PDE3A: variants seen among roughly 807,000 people sequenced by gnomAD.
PDE3A encodes the protein cGMP-inhibited 3',5'-cyclic phosphodiesterase 3A.
PDE3A carries 43 observed loss-of-function variants against 98.3 expected under a neutral mutation model. The observed-to-expected ratio is 0.44, with a 90% CI of 0.34 to 0.56. The LOEUF is 0.56. Ranked by LOEUF, PDE3A falls within the 20% of genes least tolerant of loss-of-function variation. PDE3A has a pLI of 0.01. For synonymous variants in PDE3A, 663 were observed against 567.9 expected, an observed-to-expected ratio of 1.17 and a Z score of -2.38; for missense variants, 1,427 against 1,440.7, an observed-to-expected ratio of 0.99 and a Z score of 0.15.
chr12:20,449,799 TTTTGGTTGCTGGC>T, intron 1 of PDE3A: 1 of 525,752 alleles, frequency 1.9e-6, no homozygotes, highest in Admixed American at 3.4e-5. Context: ...ACTTGGTCAG[TTTTGGTTGCTGGC>T]TTCCAGTTTT....
At chr12:20,571,928 G>C (rs982973039) in intron 2 of PDE3A, 9 of 1,067,500 alleles carry the variant, frequency 8.4e-6, no homozygotes, top group Non-Finnish European at 1.0e-5. Context: ...CAATGAATGA[G>C]AGTGGGGCAT....
intron 2 of PDE3A, among the ~76,000 whole-genome samples, chr12:20,589,951 C>T (rs1027631128): frequency 2.6e-5 from 4 of 151,228 alleles, no homozygotes; most frequent in African/African-American, 9.7e-5. Flanking sequence ...CTTATGCCTA[C>T]ACTCACGGTC....
chr12:20,512,993 G>A (rs567890976), intron 1 of PDE3A, among the ~76,000 whole-genome samples: 2 of 152,110 alleles, frequency 1.3e-5, no homozygotes, highest in South Asian at 4.1e-4. Flanking sequence ...AATGTATTTT[G>A]TTCTTTTTGC....
At chr12:20,462,678 GT>G (rs1565557040) in intron 1 of PDE3A, among the ~76,000 whole-genome samples, 3 of 151,844 alleles carry the variant, frequency 2.0e-5, no homozygotes, top group African/African-American at 7.3e-5. Context: ...AATGTCTGAA[GT>G]TTTTTTATTC....
At chr12:20,612,938 T>A (rs765161398) in intron 2 of PDE3A, among the ~76,000 whole-genome samples, 6 of 151,506 alleles carry the variant, frequency 4.0e-5, no homozygotes, top group African/African-American at 7.2e-5. Flanking sequence ...ACAAATGGAG[T>A]TTTTTTGTGT....
Position 20,541,731 on chromosome 12 carries a change from G to A in PDE3A, c.961-14929G>A, listed in dbSNP as rs568873183. On this transcript the variant is annotated intron_variant, in intron 1 of 15. Coordinates refer to ENST00000359062, the MANE Select transcript of PDE3A (RefSeq NM_000921.5). ...TACATTTGCAATAAAACTTTTTTCT[G>A]CAAAAAAAGCATTGGTTTTATTGTA... Among the ~76,000 whole-genome samples, 28 of 151,580 alleles carry A rather than the reference G, an allele frequency of 1.8e-4. No homozygotes were observed. In the South Asian group the frequency reaches 5.8e-3, roughly 31 times the overall value.
intron 1 of PDE3A, among the ~76,000 whole-genome samples, chr12:20,393,766 A>G (rs1404688151): frequency 1.3e-5 from 2 of 152,040 alleles, no homozygotes; most frequent in East Asian, 3.9e-4. Context: ...GGTGAAATGA[A>G]CTTTTCATCC....
At chr12:20,387,121 A>G (rs1342882701) in intron 1 of PDE3A, among the ~76,000 whole-genome samples, 2 of 151,930 alleles carry the variant, frequency 1.3e-5, no homozygotes, top group Non-Finnish European at 2.9e-5. Context: ...TATTGGTTCC[A>G]TTGGTCTATG....
chr12:20,613,892 A>C (rs1351887244), intron 3 of PDE3A, among the ~76,000 whole-genome samples, 192 bp downstream of exon 3: 1 of 152,198 alleles, frequency 6.6e-6, no homozygotes, highest in Admixed American at 6.6e-5. Flanking sequence ...ATAGTTTTCT[A>C]TACATAGAAA....
At chr12:20,518,384 C>G (rs1018373932) in intron 1 of PDE3A, among the ~76,000 whole-genome samples, 9 of 151,622 alleles carry the variant, frequency 5.9e-5, no homozygotes, top group African/African-American at 2.2e-4. Context: ...AGAGTTAGAG[C>G]TTCAAAGATA....
intron 1 of PDE3A, among the ~76,000 whole-genome samples, chr12:20,477,117 A>G (rs1280796044): frequency 6.6e-6 from 1 of 152,196 alleles, no homozygotes; most frequent in Non-Finnish European, 1.5e-5. Context: ...TTTCTCTAAC[A>G]GATGCACAGG....
intron 1 of PDE3A, among the ~76,000 whole-genome samples, chr12:20,392,552 T>TA (rs200768104): frequency 1.4e-3 from 198 of 137,762 alleles, no homozygotes; most frequent in African/African-American, 5.1e-3. Flanking sequence ...AATAAATAAA[T>TA]AAATAAAATC....
chr12:20,648,573 GA>G (rs1944830270), intron 12 of PDE3A, 114 bp from the exon 13 acceptor site: 3 of 705,120 alleles, frequency 4.3e-6, no homozygotes, highest in Non-Finnish European at 7.7e-6. Flanking sequence ...GGAGTTACGT[GA>G]TTACATTTCT....
At chr12:20,563,495 T>C (rs1942580919) in intron 2 of PDE3A, among the ~76,000 whole-genome samples, 1 of 152,196 alleles carries the variant, frequency 6.6e-6, no homozygotes, top group Non-Finnish European at 1.5e-5. Flanking sequence ...GCCCTAGAGC[T>C]AGCTGCCAGT....
intron 1 of PDE3A, among the ~76,000 whole-genome samples, chr12:20,443,993 A>T (rs1294632965): frequency 6.6e-6 from 1 of 152,166 alleles, no homozygotes; most frequent in East Asian, 1.9e-4. Context: ...AGAAGGAGGG[A>T]GGACCTTGCA....
intron 2 of PDE3A, among the ~76,000 whole-genome samples, chr12:20,602,405 C>T (rs991379321): frequency 3.3e-5 from 5 of 152,106 alleles, no homozygotes; most frequent in South Asian, 4.1e-4. Context: ...TACGTGAGTT[C>T]GCTAGTGTCT....
At chr12:20,594,602 C>A (rs1022316354) in intron 2 of PDE3A, among the ~76,000 whole-genome samples, 1 of 150,820 alleles carries the variant, frequency 6.6e-6, no homozygotes, top group Non-Finnish European at 1.5e-5. Flanking sequence ...TATGAAATGA[C>A]GCTCATCTTT....
Position 20,635,029 on chromosome 12 carries a change from C to T in PDE3A, c.1974C>T (p.Thr658=). 1.2e-6 allele frequency: 2 copies of T among 1,613,778 alleles called. No homozygotes were observed. Among genetic ancestry groups the T allele is most frequent in the Non-Finnish European group, 1.7e-6 (2 of 1,179,764 alleles). The change falls in exon 8 of 16, where the codon ACC becomes ACT. Residue 658 remains threonine, a synonymous_variant. Coordinates refer to ENST00000359062, the MANE Select transcript of PDE3A (RefSeq NM_000921.5). Reference sequence around the variant, plus strand: ...TGAGGAAAGCATCGGCTTGCAGCACCTATGCTCCTGAGACCATGATGTTTC... The same window carrying T: ...TGAGGAAAGCATCGGCTTGCAGCACTTATGCTCCTGAGACCATGATGTTTC... The part of the protein sequence containing the change: ...EPLRKASACS[T]YAPETMMFLD...
rs775208542 is a variant in PDE3A at position 20,633,821 on chromosome 12, C to T, written c.1846+43C>T. 5 of 1,223,752 alleles carry T rather than the reference C, an allele frequency of 4.1e-6. No homozygotes were observed. The East Asian group carries it at 1.2e-4, about 29-fold the overall frequency. The allele number at this position is 1,223,752 out of a possible 1,614,324, so 75.8% of individuals were successfully genotyped here. The stretch of plus-strand genomic sequence containing the variant: ...ATTCTGTTGCCCAAAATGGAAATTG[C>T]CTTATTTTTGTTTTCCTGATCAAAA... On this transcript the variant is annotated intron_variant, in intron 7 of 15. Transcript: ENST00000359062.
Sources: allele counts gnomAD v4.1 joint callset (sites outside exome capture counted in the v4.1 genomes callset), GRCh38; gene constraint gnomAD v4.1.1; transcripts MANE v1.5; gene names NCBI Gene and HGNC (gene_info 2026-07-23, HGNC 2026-07-21).